The following THRB variants were observed in gnomAD, a reference collection of about 807,000 sequenced individuals.
THRB encodes thyroid hormone receptor beta.
THRB carries 12 observed loss-of-function variants against 47.8 expected under a neutral mutation model. The ratio of observed to expected loss-of-function variants is 0.25; its 90% CI spans 0.16 to 0.41. The LOEUF is 0.41. Ranked by LOEUF, THRB falls within the 10% of genes least tolerant of loss-of-function variation. THRB has a pLI of 1.00. For missense variants in THRB, 348 were observed against 589.2 expected, an observed-to-expected ratio of 0.59 and a Z score of 4.24; for synonymous variants, 218 against 212.2, an observed-to-expected ratio of 1.03 and a Z score of -0.24.
At chr3:24,487,722 CA>C (rs1381488782) in intron 1 of THRB, among the ~76,000 whole-genome samples, 2 of 152,154 alleles carry the variant, frequency 1.3e-5, no homozygotes, top group Non-Finnish European at 2.9e-5. Context: ...GTGCCTTTTC[CA>C]CTGTATGTGA....
rs117585049 is a variant in THRB, at chr3:24,244,640, T to C, written c.-42-15639A>G. On this transcript the variant is annotated intron_variant, in intron 3 of 10. Transcript: ENST00000646209. ...CTGAACTTTGACACTTTTGAACTTA[T>C]AATGCCAAGGAAAACTCCAGGCATG... Among the ~76,000 whole-genome samples the C allele has an allele frequency of 4.3e-4, 65 of 152,286 alleles. No individual in the cohort carries two copies. The East Asian group carries it at 0.011, about 27-fold the overall frequency.
intron 1 of THRB, among the ~76,000 whole-genome samples, chr3:24,343,444 T>C (rs2062809195): frequency 1.3e-5 from 2 of 152,162 alleles, no homozygotes; most frequent in South Asian, 4.1e-4. Context: ...ATAATCTAGC[T>C]GAACCTGAAC....
At chr3:24,313,221 C>T (rs543648486) in intron 2 of THRB, among the ~76,000 whole-genome samples, 2 of 152,288 alleles carry the variant, frequency 1.3e-5, no homozygotes, top group South Asian at 2.1e-4. Flanking sequence ...AGTCTCCAAC[C>T]TTCTCTCTTT....
intron 3 of THRB, among the ~76,000 whole-genome samples, chr3:24,281,652 G>T (rs1037093612): frequency 1.2e-5 from 1 of 81,950 alleles, no homozygotes; most frequent in African/African-American, 3.8e-5. Context: ...AATGGATAAA[G>T]AGTCAAGACC....
chr3:24,400,690 G>A (rs1181565914), intron 1 of THRB, among the ~76,000 whole-genome samples: 1 of 152,026 alleles, frequency 6.6e-6, no homozygotes, highest in Non-Finnish European at 1.5e-5. Context: ...ATATTTCATT[G>A]TTGTAAGCCA....
intron 1 of THRB, among the ~76,000 whole-genome samples, chr3:24,426,706 A>G (rs1560158298): frequency 6.6e-6 from 1 of 151,980 alleles, no homozygotes; most frequent in South Asian, 2.1e-4. Context: ...GCTCTGTACT[A>G]GCTCACAAGA....
chr3:24,309,835 T>A (rs2057625526), intron 2 of THRB, among the ~76,000 whole-genome samples: 1 of 152,176 alleles, frequency 6.6e-6, no homozygotes, highest in African/African-American at 2.4e-5. Flanking sequence ...TGATATAAAC[T>A]TGTAAAATAC....
chr3:24,426,927 G>A (rs550732025), intron 1 of THRB, among the ~76,000 whole-genome samples: 11 of 151,996 alleles, frequency 7.2e-5, no homozygotes, highest in African/African-American at 2.2e-4. Context: ...ACACTGTCTA[G>A]AACAACAGGC....
intron 3 of THRB, among the ~76,000 whole-genome samples, chr3:24,233,583 G>GAAAC (rs797022573): frequency 9.0e-6 from 1 of 111,546 alleles, no homozygotes; most frequent in African/African-American, 3.2e-5. Flanking sequence ...AAGAAAGAAA[G>GAAAC]AAAGAAAGAA....
At chr3:24,344,577 T>TA (rs1224370701) in intron 1 of THRB, among the ~76,000 whole-genome samples, 6 of 151,890 alleles carry the variant, frequency 4.0e-5, no homozygotes, top group South Asian at 2.1e-4. Flanking sequence ...CACAAAATTG[T>TA]AAAAAAAATC....
In THRB at chr3:24,122,441, G is replaced by C. The variant is rs772564482; in HGVS notation, c.*443C>G. The C allele has an allele frequency of 8.0e-5, 18 of 224,914 alleles. 1 individual carries two copies. The highest frequency in any genetic ancestry group is 1.5e-4 in the Non-Finnish European group (17 of 112,148). 13.9% of individuals were successfully genotyped at this position (224,914 alleles called of 1,614,324 possible). A position where few individuals can be genotyped will look rare whatever the true frequency, so the allele number is the denominator to read the frequency against. ...CGAGTCTTTCCCTAAAAGGCTGAAA[G>C]CCACATCTAACTAAAGGTGGTCTGT... is the stretch of plus-strand genomic sequence containing the variant. On this transcript the variant is annotated 3_prime_UTR_variant, in exon 11 of 11. Transcript: ENST00000646209.
intron 9 of THRB, among the ~76,000 whole-genome samples, chr3:24,130,457 G>C (rs571308955): frequency 2.0e-5 from 3 of 152,104 alleles, no homozygotes; most frequent in South Asian, 4.1e-4. Context: ...TCAGGGGCTG[G>C]GGGGGCGGTG....
chr3:24,444,704 G>C (rs1459722100), intron 1 of THRB, among the ~76,000 whole-genome samples: 2 of 151,930 alleles, frequency 1.3e-5, no homozygotes, highest in African/African-American at 2.4e-5. Context: ...TTCCGGGTTC[G>C]AGCCTCTCAA....
At chr3:24,296,279 A>G (rs929195605) in intron 3 of THRB, among the ~76,000 whole-genome samples, 1 of 152,224 alleles carries the variant, frequency 6.6e-6, no homozygotes, top group Non-Finnish European at 1.5e-5. Context: ...GAGAGTCAAG[A>G]GTTATTTGGA....
chr3:24,396,323 G>A (rs2066959337), intron 1 of THRB, among the ~76,000 whole-genome samples: 1 of 152,034 alleles, frequency 6.6e-6, no homozygotes, highest in Non-Finnish European at 1.5e-5. Context: ...AATCTCTGTG[G>A]GTAGAACCCA....
chr3:24,160,101 A>G (rs2038560091), intron 5 of THRB, among the ~76,000 whole-genome samples: 1 of 152,170 alleles, frequency 6.6e-6, no homozygotes, highest in Admixed American at 6.5e-5. Context: ...ATGCAGGCTG[A>G]CAGTGGCAAG....
intron 4 of THRB, among the ~76,000 whole-genome samples, chr3:24,226,194 T>C (rs1394617631): frequency 1.3e-5 from 2 of 152,202 alleles, no homozygotes; most frequent in Admixed American, 6.5e-5. Flanking sequence ...CTGTGTTGAA[T>C]AGCAGTAATA....
intron 1 of THRB, among the ~76,000 whole-genome samples, chr3:24,438,757 C>T (rs1352071987): frequency 6.6e-6 from 1 of 152,022 alleles, no homozygotes; most frequent in African/African-American, 2.4e-5. Context: ...CCCTCTTATC[C>T]AGTTACTGGC....
At chr3:24,237,929 A>G (rs2049035171) in intron 3 of THRB, 1 of 152,284 alleles carries the variant, frequency 6.6e-6, no homozygotes, top group Non-Finnish European at 1.5e-5. Context: ...CTTTTAAGCC[A>G]AATAAGGTAG....
Sources: allele counts gnomAD v4.1 joint callset (sites outside exome capture counted in the v4.1 genomes callset), GRCh38; gene constraint gnomAD v4.1.1; transcripts MANE v1.5; gene names NCBI Gene and HGNC (gene_info 2026-07-23, HGNC 2026-07-21).